FAAH2: variants seen among roughly 807,000 people sequenced by gnomAD.
FAAH2 encodes fatty acid amide hydrolase 2, also known as fatty-acid amide hydrolase 2.
A neutral mutation model predicts 36.9 loss-of-function variants in FAAH2; 60 were observed. The ratio of observed to expected loss-of-function variants is 1.63; its 90% confidence interval spans 1.32 to 2.02. The LOEUF is 2.02. FAAH2 is among the 30% of genes most tolerant of loss of function. The pLI is 0.00. For missense variants in FAAH2, 689 were observed against 397.5 expected, an observed-to-expected ratio of 1.73 and a Z score of -6.23; for synonymous variants, 214 against 143.8, an observed-to-expected ratio of 1.49 and a Z score of -3.49.
intron 10 of FAAH2, chrX:57,452,456 A>T (rs1351864805): frequency 6.7e-6 from 2 of 298,526 alleles, no homozygotes; most frequent in African/African-American, 2.9e-5. Flanking sequence ...CACCTCCCCA[A>T]TTGATAAGCT....
At chrX:57,381,530 C>A in intron 7 of FAAH2, 1 of 682,286 alleles carries the variant, frequency 1.5e-6, no homozygotes, top group Non-Finnish European at 1.7e-6. Context: ...AACTACTATT[C>A]AATGTAATAA....
At chrX:57,228,746 C>T in the FAAH2 span, among the ~76,000 whole-genome samples, 1 of 111,942 alleles carries the variant, frequency 8.9e-6, no homozygotes, top group Admixed American at 9.5e-5. Context: ...TCTGACACCT[C>T]TTTAGTTTCC....
the FAAH2 span, among the ~76,000 whole-genome samples, chrX:57,231,955 T>C: frequency 0.45 from 49,894 of 110,325 alleles, 11,343 homozygotes; most frequent in African/African-American, 0.88. Context: ...TCTACTTTTC[T>C]AACAAAGGAG....
chrX:57,392,824 G>T (rs1305155833), intron 7 of FAAH2: 3 of 674,110 alleles, frequency 4.5e-6, no homozygotes, highest in African/African-American at 4.3e-5. Flanking sequence ...TTTCGCTCTG[G>T]GTTGTGAGAC....
At chrX:57,480,031 C>G (rs867738554) in intron 10 of FAAH2, among the ~76,000 whole-genome samples, 1 of 111,404 alleles carries the variant, frequency 9.0e-6, no homozygotes, top group East Asian at 2.8e-4. Flanking sequence ...ATAAATTCCT[C>G]GACACATACA....
chrX:57,150,123 G>A, the FAAH2 span, among the ~76,000 whole-genome samples: 1 of 112,243 alleles, frequency 8.9e-6, no homozygotes, highest in Non-Finnish European at 1.9e-5. Flanking sequence ...TGGTCTCAGA[G>A]ACAGTTTGTT....
At chrX:57,137,313 C>G in the FAAH2 span, 11 of 757,666 alleles carry the variant, frequency 1.5e-5, no homozygotes, top group Non-Finnish European at 1.7e-5. Context: ...ACAGGCGACT[C>G]GCTGAGTGAC....
the FAAH2 span, among the ~76,000 whole-genome samples, chrX:57,149,780 G>A: frequency 1.8e-5 from 2 of 110,876 alleles, no homozygotes; most frequent in Non-Finnish European, 3.8e-5. Flanking sequence ...TCTGATTTTA[G>A]GTATTTCTTG....
intron 2 of FAAH2, among the ~76,000 whole-genome samples, chrX:57,304,150 T>G (rs988462407): frequency 4.5e-5 from 5 of 111,705 alleles, no homozygotes; most frequent in African/African-American, 1.6e-4. Flanking sequence ...GAGGTTGCAG[T>G]GAGCTGAGAT....
chrX:57,424,006 G>A (rs966230664), intron 7 of FAAH2, among the ~76,000 whole-genome samples: 1 of 111,410 alleles, frequency 9.0e-6, no homozygotes, highest in Non-Finnish European at 1.9e-5. Context: ...ACTCAGAAAG[G>A]AGATATGATC....
the FAAH2 span, among the ~76,000 whole-genome samples, chrX:57,150,861 G>A: frequency 8.9e-6 from 1 of 112,081 alleles, no homozygotes; most frequent in African/African-American, 3.2e-5. Context: ...AGCCTTGATG[G>A]TCTATACAAT....
At chrX:57,433,798 C>T (rs1228057529) in intron 8 of FAAH2, among the ~76,000 whole-genome samples, 2 of 111,987 alleles carry the variant, frequency 1.8e-5, no homozygotes, top group Non-Finnish European at 3.8e-5. Flanking sequence ...TCTTTTTATA[C>T]TATCTCTTAA....
At chrX:57,485,926 T>G (rs974052503) in intron 10 of FAAH2, among the ~76,000 whole-genome samples, 5 of 111,985 alleles carry the variant, frequency 4.5e-5, no homozygotes, top group African/African-American at 1.6e-4. Context: ...GTGGACCAAC[T>G]GATAGCAACC....
intron 7 of FAAH2, chrX:57,392,658 C>A (rs2055194060): frequency 3.0e-6 from 2 of 673,010 alleles, no homozygotes; most frequent in South Asian, 4.3e-5. Flanking sequence ...ATGATCCATT[C>A]ACCTGTTCTG....
At chrX:57,160,823 T>C in the FAAH2 span, among the ~76,000 whole-genome samples, 2 of 112,245 alleles carry the variant, frequency 1.8e-5, no homozygotes, top group Non-Finnish European at 1.9e-5. Context: ...CCTGGATTGA[T>C]TGATTTTTTG....
the FAAH2 span, among the ~76,000 whole-genome samples, chrX:57,163,179 CAG>C: frequency 8.9e-6 from 1 of 112,129 alleles, no homozygotes; most frequent in African/African-American, 3.2e-5. Context: ...GCTTGGGGGT[CAG>C]GGGTCAGGGA....
intron 3 of FAAH2, among the ~76,000 whole-genome samples, chrX:57,316,920 G>A (rs2146925967): frequency 1.8e-5 from 2 of 111,580 alleles, no homozygotes; most frequent in East Asian, 2.8e-4. Context: ...CTTCTGCACA[G>A]CAAAATAAAC....
the FAAH2 span, among the ~76,000 whole-genome samples, chrX:57,200,383 T>C: frequency 1.9e-5 from 2 of 106,089 alleles, no homozygotes; most frequent in African/African-American, 3.5e-5. Flanking sequence ...CTTTCACTTT[T>C]TTTTTTTTTT....
intron 5 of FAAH2, among the ~76,000 whole-genome samples, chrX:57,371,642 G>GT (rs1454886264): frequency 9.7e-6 from 1 of 103,165 alleles, no homozygotes; most frequent in Non-Finnish European, 2.0e-5. Flanking sequence ...TTTTTTGGGG[G>GT]GGGGGTTACT....
Sources: allele counts gnomAD v4.1 joint callset (sites outside exome capture counted in the v4.1 genomes callset), GRCh38; gene constraint gnomAD v4.1.1; transcripts MANE v1.5; gene names NCBI Gene and HGNC (gene_info 2026-07-23, HGNC 2026-07-21).